Variants in SRI observed in about 807,000 individuals in gnomAD.
The protein encoded by SRI is sorcin.
A neutral mutation model predicts 33.3 loss-of-function variants in SRI; 30 were observed. The observed-to-expected ratio is 0.90, with a 90% confidence interval of 0.67 to 1.22. SRI has a LOEUF of 1.22. Among genes scored for constraint, SRI ranks in the 50% most tolerant of loss-of-function variants. The pLI, the probability that SRI is intolerant of heterozygous loss-of-function variation, is 0.00. For synonymous variants in SRI, 75 were observed against 89.9 expected (o/e 0.83, Z 0.94); for missense variants, 243 against 250.8 (o/e 0.97, Z 0.21).
chr7:88,222,428 C>G (rs1851908287), upstream of SRI, among the ~76,000 whole-genome samples: 1 of 150,278 alleles, frequency 6.7e-6, no homozygotes, highest in Non-Finnish European at 1.5e-5. Flanking sequence ...TTGCATTTCT[C>G]TGATGGCCAG....
chr7:88,207,472 T>C (rs1409400606), intron 7 of SRI, among the ~76,000 whole-genome samples: 1 of 152,216 alleles, frequency 6.6e-6, no homozygotes, highest in East Asian at 1.9e-4. Flanking sequence ...GAATGGAATA[T>C]TCAGTGATTA....
At chr7:88,210,983 C>T (rs1242704857) in intron 3 of SRI, 58 bp from the exon 4 acceptor site, 1 of 1,285,750 alleles carries the variant, frequency 7.8e-7, no homozygotes, top group Non-Finnish European at 1.1e-6. Context: ...TCACATTACA[C>T]TGGATACATT....
At chr7:88,210,821 G>A in intron 4 of SRI, 61 bp downstream of exon 4, 1 of 1,464,818 alleles carries the variant, frequency 6.8e-7, no homozygotes, top group East Asian at 2.3e-5. Flanking sequence ...TTAATTCTAA[G>A]ATGAATTCCT....
At chr7:88,206,552 G>T in intron 7 of SRI, 48 bp from the exon 8 acceptor site, 1 of 1,607,278 alleles carries the variant, frequency 6.2e-7, no homozygotes, top group Non-Finnish European at 8.5e-7. Context: ...GCACTTATAC[G>T]GCACAGCCTA....
At chr7:88,224,807 T>A (rs185352432), upstream of SRI, among the ~76,000 whole-genome samples, 43 of 152,336 alleles carry the variant, frequency 2.8e-4, 1 homozygote, top group Non-Finnish European at 1.5e-5. Flanking sequence ...TGGTAATGAA[T>A]CATCAACCAC....
chr7:88,222,963 C>T (rs1851922973), upstream of SRI, among the ~76,000 whole-genome samples: 1 of 151,816 alleles, frequency 6.6e-6, no homozygotes, highest in Non-Finnish European at 1.5e-5. Flanking sequence ...GTCCAAAACA[C>T]CAAAAGCAAT....
chr7:88,209,654 G>C (rs918511212), intron 5 of SRI, among the ~76,000 whole-genome samples: 6 of 151,926 alleles, frequency 3.9e-5, no homozygotes, highest in African/African-American at 1.5e-4. Context: ...TCTCACTCTC[G>C]CCCAGGCTGG....
intron 3 of SRI, among the ~76,000 whole-genome samples, chr7:88,213,545 C>T (rs529665502): frequency 6.6e-6 from 1 of 152,310 alleles, no homozygotes; most frequent in Admixed American, 6.5e-5. Context: ...GCAAGGAAAA[C>T]TTTCCTGACT....
chr7:88,220,063 G>A, upstream of SRI: 4 of 1,501,816 alleles, frequency 2.7e-6, no homozygotes, highest in South Asian at 2.5e-5. Flanking sequence ...CGCCCTGTGC[G>A]CCAGGCCTCT....
At chr7:88,219,561 T>G in intron 1 of SRI, 4 of 194,826 alleles carry the variant, frequency 2.1e-5, no homozygotes, top group Non-Finnish European at 1.0e-5. Flanking sequence ...TGTTTGTTTG[T>G]TTGTTTGTTT....
intron 2 of SRI, among the ~76,000 whole-genome samples, chr7:88,218,321 A>G (rs1259671844): frequency 6.6e-6 from 1 of 152,202 alleles, no homozygotes; most frequent in African/African-American, 2.4e-5. Context: ...AGGCCAGAAC[A>G]CCTAATAAGG....
exon 1 of SRI, chr7:88,226,924 A>G (rs373701123): frequency 8.8e-5 from 142 of 1,613,654 alleles, no homozygotes; most frequent in Non-Finnish European, 1.2e-4. Flanking sequence ...TCTTGAGTTG[A>G]AGTCTTATAG....
chr7:88,213,176 A>G (rs907530005), intron 3 of SRI, among the ~76,000 whole-genome samples: 1 of 152,108 alleles, frequency 6.6e-6, no homozygotes, highest in Non-Finnish European at 1.5e-5. Flanking sequence ...GCAGCTCCCT[A>G]ATGGGCATCC....
At chr7:88,210,199 A>C in intron 4 of SRI, 69 bp from the exon 5 acceptor site, 1 of 1,538,850 alleles carries the variant, frequency 6.5e-7, no homozygotes, top group Non-Finnish European at 9.0e-7. Flanking sequence ...AAGATCAAGG[A>C]TAAGGGGAAT....
rs1313536906 is a variant in SRI at position 88,218,937 on chromosome 7, T to C, written c.57A>G (p.Gly19=). The C allele has an allele frequency of 1.9e-6, 3 of 1,613,588 alleles. No individual in the cohort carries two copies. Among genetic ancestry groups the C allele is most frequent in the African/African-American group, 2.7e-5 (2 of 74,872 alleles). Residue 19 remains glycine, a synonymous_variant, in exon 2 of 8, where the codon GGA becomes GGG. Coordinates refer to ENST00000265729, the MANE Select transcript of SRI (RefSeq NM_003130.4). ...AGGGYYPGGY[G]GAPGGPAFPG... ...GAAACGCAGGCCCTCCGGGAGCCCC[T>C]CCATACTGTGAAACAGGAAACACAT...
At chr7:88,226,055 G>A (rs569653822) in intron 1 of SRI, among the ~76,000 whole-genome samples, 1 of 152,304 alleles carries the variant, frequency 6.6e-6, no homozygotes, top group South Asian at 2.1e-4. Flanking sequence ...ATAGAAAGCA[G>A]AATATTGAAT....
At chr7:88,218,667 G>A (rs1851794221) in intron 2 of SRI, 192 bp downstream of exon 2, 1 of 544,660 alleles carries the variant, frequency 1.8e-6, no homozygotes, top group Non-Finnish European at 3.3e-6. Flanking sequence ...ACATAAATAC[G>A]AGTAACACTT....
At chr7:88,220,078 C>A, upstream of SRI, 1 of 1,479,092 alleles carries the variant, frequency 6.8e-7, no homozygotes, top group Non-Finnish European at 8.9e-7. Context: ...GCCTCTCCGC[C>A]CCCTGCCCCG....
upstream of SRI, among the ~76,000 whole-genome samples, chr7:88,223,051 G>GAAACTACCATAC (rs1851924900): frequency 6.6e-6 from 1 of 152,044 alleles, no homozygotes; most frequent in Non-Finnish European, 1.5e-5. Flanking sequence ...ACTACCATCA[G>GAAACTACCATAC]AGTGAACAGG....
Sources: gnomAD v4.1 joint callset for allele counts (sites outside exome capture counted in the v4.1 genomes callset) on GRCh38, gnomAD v4.1.1 for gene constraint, MANE v1.5 for transcripts, NCBI Gene and HGNC (gene_info 2026-07-23, HGNC 2026-07-21) for gene names.